C10orf143: variants seen among roughly 807,000 people sequenced by gnomAD.
C10orf143 encodes the protein uncharacterized protein C10orf143.
intron 1 of C10orf143, among the ~76,000 whole-genome samples, chr10:130,105,175 G>T (rs1861620190): frequency 6.6e-6 from 1 of 152,126 alleles, no homozygotes; most frequent in South Asian, 2.1e-4. Flanking sequence ...TGATCAGCCT[G>T]CCTTGGCCTC....
chr10:130,083,479 G>A (rs1861240217), intron 1 of C10orf143, among the ~76,000 whole-genome samples: 1 of 152,112 alleles, frequency 6.6e-6, no homozygotes, highest in Non-Finnish European at 1.5e-5. Flanking sequence ...GCAATATATT[G>A]GAAACAACCT....
At chr10:130,054,986 G>A (rs1253200836) in intron 3 of C10orf143, among the ~76,000 whole-genome samples, 9 of 151,990 alleles carry the variant, frequency 5.9e-5, no homozygotes. Context: ...ATGGTATTGA[G>A]AAAACTGGAT....
At chr10:130,048,553 G>A (rs1038680161) in intron 3 of C10orf143, among the ~76,000 whole-genome samples, 27 of 152,144 alleles carry the variant, frequency 1.8e-4, no homozygotes, top group African/African-American at 6.5e-4. Flanking sequence ...CCAGATCCAT[G>A]GGAGCCCAAA....
intron 3 of C10orf143, among the ~76,000 whole-genome samples, chr10:130,075,631 C>A (rs759742390): frequency 6.6e-6 from 1 of 152,176 alleles, no homozygotes; most frequent in Admixed American, 6.5e-5. Context: ...TGTGTCCCCA[C>A]CCAAATCTCA....
At chr10:130,049,767 C>T (rs1022698210) in intron 3 of C10orf143, among the ~76,000 whole-genome samples, 5 of 152,172 alleles carry the variant, frequency 3.3e-5, no homozygotes, top group South Asian at 2.1e-4. Flanking sequence ...ACCATTCCAC[C>T]GGCAGGACTG....
At chr10:130,068,583 C>T (rs1344759598) in intron 3 of C10orf143, 2 of 111,482 alleles carry the variant, frequency 1.8e-5, no homozygotes, top group African/African-American at 3.6e-5. Flanking sequence ...TGCACTCCAG[C>T]GTGGGCAACG....
intron 3 of C10orf143, among the ~76,000 whole-genome samples, chr10:130,057,825 C>A (rs1264811191): frequency 2.0e-5 from 3 of 152,288 alleles, no homozygotes; most frequent in South Asian, 2.1e-4. Context: ...ACTAACTCCT[C>A]AGTGAGTGAT....
intron 4 of C10orf143, among the ~76,000 whole-genome samples, chr10:130,035,540 A>G (rs1036478825): frequency 3.9e-5 from 6 of 152,118 alleles, no homozygotes; most frequent in Non-Finnish European, 8.8e-5. Context: ...CATGGCCCCT[A>G]TGTTGTGGGG....
intron 1 of C10orf143, among the ~76,000 whole-genome samples, chr10:130,087,604 G>A (rs1485224299): frequency 6.6e-6 from 1 of 152,206 alleles, no homozygotes; most frequent in African/African-American, 2.4e-5. Context: ...TGTTGAGGGG[G>A]ACTTCTTCCT....
chr10:130,082,436 A>C (rs1421508024), intron 1 of C10orf143, among the ~76,000 whole-genome samples: 1 of 152,192 alleles, frequency 6.6e-6, no homozygotes, highest in Non-Finnish European at 1.5e-5. Flanking sequence ...CTTGAATTGT[A>C]GCTCCTATAA....
chr10:130,043,262 C>T (rs1860628278), intron 3 of C10orf143, among the ~76,000 whole-genome samples: 1 of 152,178 alleles, frequency 6.6e-6, no homozygotes, highest in South Asian at 2.1e-4. Flanking sequence ...AATTGATCAT[C>T]ATTACTTATA....
intron 3 of C10orf143, among the ~76,000 whole-genome samples, chr10:130,037,049 C>T (rs553155291): frequency 1.3e-5 from 2 of 152,244 alleles, no homozygotes; most frequent in Admixed American, 1.3e-4. Context: ...TGCAGGGATG[C>T]ACCTGGTACA....
downstream of C10orf143, among the ~76,000 whole-genome samples, chr10:130,060,822 CAAA>C (rs11312813): frequency 2.0e-3 from 109 of 53,366 alleles, no homozygotes; most frequent in African/African-American, 6.8e-3. Context: ...GACTCCGTCT[CAAA>C]AAAAAAAAAA....
intron 1 of C10orf143, among the ~76,000 whole-genome samples, chr10:130,103,276 G>A (rs1861588086): frequency 6.6e-6 from 1 of 152,250 alleles, no homozygotes; most frequent in African/African-American, 2.4e-5. Context: ...ACCACGCACA[G>A]CTGAGTCTTG....
chr10:130,107,828 C>T (rs1157456766), intron 1 of C10orf143: 4 of 1,250,576 alleles, frequency 3.2e-6, no homozygotes, highest in Non-Finnish European at 4.7e-6. Context: ...GTCCCTGTCA[C>T]TTCCGAGGGA....
At position 130,078,394 on chromosome 10, in the gene C10orf143, T is replaced by C. The variant is rs754241000; in HGVS notation, c.297+1172A>G. ...AAGGAATGCAACCCCAATGGAGGCATAGTTCTCAAAGTAAGCATTATTCGT... is the reference window on the plus strand; with the variant it reads ...AAGGAATGCAACCCCAATGGAGGCACAGTTCTCAAAGTAAGCATTATTCGT... On this transcript the variant is annotated intron_variant, in intron 3 of 3. Transcript: ENST00000637128. 2.6e-5 allele frequency among the ~76,000 whole-genome samples: 4 copies of C among 152,180 alleles called. 1 individual carries two copies. The South Asian group carries it at 8.3e-4, about 31-fold the overall frequency.
chr10:130,099,075 G>A, intron 1 of C10orf143, among the ~76,000 whole-genome samples: 1 of 144,102 alleles, frequency 6.9e-6, no homozygotes, highest in Non-Finnish European at 1.5e-5. Flanking sequence ...GCAAAAGAGT[G>A]AGACACCATC....
At chr10:130,085,880 T>C (rs1056116362) in intron 1 of C10orf143, among the ~76,000 whole-genome samples, 3 of 152,170 alleles carry the variant, frequency 2.0e-5, no homozygotes, top group Non-Finnish European at 4.4e-5. Context: ...CTAATTATTC[T>C]CCTTTGAGCA....
At chr10:130,107,829 T>C (rs1385270217) in intron 1 of C10orf143, 4 of 1,250,960 alleles carry the variant, frequency 3.2e-6, no homozygotes, top group Non-Finnish European at 4.7e-6. Context: ...TCCCTGTCAC[T>C]TCCGAGGGAA....
Sources: allele counts gnomAD v4.1 joint callset (sites outside exome capture counted in the v4.1 genomes callset), GRCh38; gene constraint gnomAD v4.1.1; transcripts MANE v1.5; gene names NCBI Gene and HGNC (gene_info 2026-07-23, HGNC 2026-07-21).